BEGAIN: variants seen among roughly 807,000 people sequenced by gnomAD.
BEGAIN encodes brain enriched guanylate kinase associated.
BEGAIN carries 19 observed loss-of-function variants against 35.8 expected under a neutral mutation model. The observed-to-expected ratio is 0.53, with a 90% CI of 0.37 to 0.78. The LOEUF (loss-of-function observed/expected upper bound fraction) is 0.78, where lower values mean the gene tolerates loss of function less well. BEGAIN is among the 30% of genes least tolerant of loss of function. BEGAIN has a pLI of 0.00. For missense variants in BEGAIN, 795 were observed against 853.6 expected, an observed-to-expected ratio of 0.93 and a Z score of 0.85; for synonymous variants, 462 against 388.6, an observed-to-expected ratio of 1.19 and a Z score of -2.22.
chr14:100,540,451 C>G, intron 6 of BEGAIN, 45 bp downstream of exon 6: 1 of 1,457,150 alleles, frequency 6.9e-7, no homozygotes, highest in Non-Finnish European at 9.4e-7. Context: ...AAAAGGAGCC[C>G]GGTGGTCCCG....
In BEGAIN at chr14:100,574,169, C is replaced by T. The variant is rs116940020; in HGVS notation, c.43-6230G>A. Among the ~76,000 whole-genome samples, 598 of 152,358 alleles carry T rather than the reference C, an allele frequency of 3.9e-3. 2 individuals are homozygous for T. The highest frequency in any genetic ancestry group is 0.017 in the Middle Eastern group (5 of 294). ...CTCCGCTGCAGTCCCAAATGAGCCG[C>T]GGGCTTTCCTGGCCTTATCTGATCA... On this transcript the variant is annotated intron_variant, in intron 1 of 6. Transcript: ENST00000554140.
In BEGAIN at chr14:100,537,818, G is replaced by A; in HGVS notation, c.*151C>T. 5 of 1,228,252 alleles carry A rather than the reference G, an allele frequency of 4.1e-6. No individual in the cohort carries two copies. The highest frequency in any genetic ancestry group is 2.2e-6 in the Non-Finnish European group (2 of 919,860). 76.1% of individuals were successfully genotyped at this position (1,228,252 alleles called of 1,614,324 possible). On this transcript the variant is annotated 3_prime_UTR_variant, in exon 7 of 7. Coordinates refer to ENST00000554140, the MANE Select transcript of BEGAIN (RefSeq NM_001385089.1). Reference sequence around the variant, plus strand: ...GGGACCCTCCCCTCAGGCCTACAGGGCTGGGGAGGAGAGGAGGTGCGGGGA... The same window carrying A: ...GGGACCCTCCCCTCAGGCCTACAGGACTGGGGAGGAGAGGAGGTGCGGGGA...
In BEGAIN at chr14:100,550,902, T is replaced by C. The variant is rs922042379; in HGVS notation, c.72-4240A>G. Among the ~76,000 whole-genome samples, 7 of 152,330 alleles carry C rather than the reference T, an allele frequency of 4.6e-5. No individual in the cohort carries two copies. In the East Asian group the frequency reaches 1.4e-3, roughly 29 times the overall value. Reference sequence around the variant, plus strand: ...GTTGTTCCCTGCAGAGCGGCAGGTCTACCCTCAGCCCTGCCTCACAGGACA... The same window carrying C: ...GTTGTTCCCTGCAGAGCGGCAGGTCCACCCTCAGCCCTGCCTCACAGGACA... On this transcript the variant is annotated intron_variant, in intron 2 of 6. Transcript: ENST00000554140.
chr14:100,554,205 G>A (rs2033482030), intron 2 of BEGAIN, among the ~76,000 whole-genome samples: 1 of 152,222 alleles, frequency 6.6e-6, no homozygotes, highest in Non-Finnish European at 1.5e-5. Context: ...CGCTGAGCAG[G>A]TTCCTGGAGG....
intron 6 of BEGAIN, chr14:100,540,282 G>A: frequency 1.7e-6 from 1 of 573,218 alleles, no homozygotes. Flanking sequence ...AAGGGACTCT[G>A]GTGAGGGCCA....
At position 100,587,041 on chromosome 14, in the gene BEGAIN, C is replaced by G. The variant is rs1443665291; in HGVS notation, c.42+208G>C. ...GCGCGGAGGCTGGGCATCCCCGCCC[C>G]ACCCGAGAGTGCCCAGTTCCCAGGA... is the stretch of plus-strand genomic sequence containing the variant. On this transcript the variant is annotated intron_variant, in intron 1 of 6. Coordinates refer to ENST00000554140, the MANE Select transcript of BEGAIN (RefSeq NM_001385089.1). 2.0e-5 allele frequency among the ~76,000 whole-genome samples: 3 copies of G among 151,780 alleles called. 1 individual carries two copies. The highest frequency in any genetic ancestry group is 2.0e-4 in the Admixed American group (3 of 15,266).
intron 2 of BEGAIN, among the ~76,000 whole-genome samples, chr14:100,560,919 G>A (rs2034187838): frequency 6.6e-6 from 1 of 152,192 alleles, no homozygotes; most frequent in South Asian, 2.1e-4. Context: ...TGGAGCATGA[G>A]GCCTCTCTCA....
intron 2 of BEGAIN, among the ~76,000 whole-genome samples, chr14:100,561,717 A>G (rs1017297706): frequency 1.3e-4 from 11 of 84,920 alleles, no homozygotes; most frequent in Admixed American, 1.5e-4. Flanking sequence ...AAGACTGTCG[A>G]AAAAAAAAAA....
Position 100,538,448 on chromosome 14 carries a change from C to T in BEGAIN, c.1360G>A (p.Ala454Thr), listed in dbSNP as rs367701102. The change falls in exon 7 of 7, where the codon GCT becomes ACT. Residue 454 changes from alanine to threonine, a missense_variant. Ala to Thr is a moderately conservative substitution (Grantham distance 58). Transcript: ENST00000554140. ...DIGAYSYPVS[A>T]AGRASPCSFS... The stretch of plus-strand genomic sequence containing the variant: ...CTGCAGGGTGAGGCGCGGCCGGCAG[C>T]GCTCACGGGGTAGGAGTAGGCGCCG... 1 of 1,588,826 alleles carries T rather than the reference C, an allele frequency of 6.3e-7. No homozygotes were observed. Among genetic ancestry groups the T allele is most frequent in the Non-Finnish European group, 8.6e-7 (1 of 1,169,526 alleles).
At chr14:100,545,225 G>A (rs1442696295) in intron 3 of BEGAIN, 159 bp from the exon 4 acceptor site, 11 of 1,465,408 alleles carry the variant, frequency 7.5e-6, no homozygotes, top group Middle Eastern at 3.6e-4. Flanking sequence ...TCTGCACACA[G>A]CAGAGAACAT....
Position 100,563,680 on chromosome 14 carries a change from C to T in BEGAIN, c.71+4231G>A, listed in dbSNP as rs1388265823. Among the ~76,000 whole-genome samples the T allele has an allele frequency of 6.6e-6, 1 of 152,226 alleles. No homozygotes were observed. Among genetic ancestry groups the T allele is most frequent in the East Asian group, 1.9e-4 (1 of 5,184 alleles). On this transcript the variant is annotated intron_variant, in intron 2 of 6. Transcript: ENST00000554140. This position sits in a 1 kb window ranked among gnomAD's most constrained non-coding sequence, Gnocchi z 4.2. ...CCGATCTTCCAGAGCTGACCCTATG[C>T]GCACCCTGTGCCCCGGAGGTTCCAC...
intron 1 of BEGAIN, chr14:100,577,389 G>A (rs1054964282): frequency 2.0e-5 from 8 of 399,060 alleles, no homozygotes; most frequent in African/African-American, 4.1e-5. Context: ...TAGTTCCCAC[G>A]GCCTGGCCTG....
At chr14:100,582,718 G>A (rs1354187640) in intron 1 of BEGAIN, among the ~76,000 whole-genome samples, 1 of 152,100 alleles carries the variant, frequency 6.6e-6, no homozygotes, top group Non-Finnish European at 1.5e-5. Context: ...CCGGCTGGCC[G>A]CTGACCTTTC....
rs10135964 is a variant in BEGAIN at position 100,563,522 on chromosome 14, G to A, written c.71+4389C>T. ...GTGTGAAGAGCTCCCACAAATCAATGGGAAAAACACCTTGGTAGAAAATGC... is the reference window on the plus strand; with the variant it reads ...GTGTGAAGAGCTCCCACAAATCAATAGGAAAAACACCTTGGTAGAAAATGC... On this transcript the variant is annotated intron_variant, in intron 2 of 6. Transcript: ENST00000554140. This position sits in a 1 kb window ranked among gnomAD's most constrained non-coding sequence, Gnocchi z 4.2. 0.018 allele frequency among the ~76,000 whole-genome samples: 2,797 copies of A among 152,340 alleles called. 89 individuals are homozygous for A. The highest frequency in any genetic ancestry group is 0.064 in the African/African-American group (2,651 of 41,578).
intron 2 of BEGAIN, among the ~76,000 whole-genome samples, chr14:100,552,244 G>T (rs1462121784): frequency 6.6e-6 from 1 of 152,142 alleles, no homozygotes; most frequent in Non-Finnish European, 1.5e-5. Context: ...TGGCCTGCAG[G>T]TGCAGTGAGT....
At chr14:100,541,368 C>A (rs1417753082) in intron 5 of BEGAIN, among the ~76,000 whole-genome samples, 1 of 152,246 alleles carries the variant, frequency 6.6e-6, no homozygotes, top group Non-Finnish European at 1.5e-5. Context: ...CAAGGGCTGG[C>A]CACAGTCCCA....
chr14:100,540,219 C>G (rs1159147744), intron 6 of BEGAIN: 2 of 502,096 alleles, frequency 4.0e-6, no homozygotes, highest in African/African-American at 3.8e-5. Context: ...AAGCAAGGAC[C>G]TGGAGCAGCC....
Position 100,540,583 on chromosome 14 carries a change from A to G in BEGAIN, c.409-4T>C. 6.3e-7 allele frequency: 1 copy of G among 1,598,536 alleles called. No homozygotes were observed. Among genetic ancestry groups the G allele is most frequent in the East Asian group, 2.3e-5 (1 of 44,364 alleles). On this transcript the variant is annotated splice_polypyrimidine_tract_variant and splice_region_variant and intron_variant, in intron 5 of 6. Coordinates refer to ENST00000554140, the MANE Select transcript of BEGAIN (RefSeq NM_001385089.1). Reference sequence around the variant, plus strand: ...TGCAGTCCTTCCTATAGAGCTCCTAAAAGACAAGAGAAGGCGTTTGGCGCC... The same window carrying G: ...TGCAGTCCTTCCTATAGAGCTCCTAGAAGACAAGAGAAGGCGTTTGGCGCC...
intron 5 of BEGAIN, among the ~76,000 whole-genome samples, chr14:100,541,815 G>C (rs981795663): frequency 3.9e-5 from 6 of 152,334 alleles, no homozygotes; most frequent in Admixed American, 3.9e-4. Flanking sequence ...GGGACAGCTG[G>C]GAGCCTTTCC....
Sources: allele counts gnomAD v4.1 joint callset (sites outside exome capture counted in the v4.1 genomes callset), GRCh38; gene constraint gnomAD v4.1.1; non-coding constraint Gnocchi (gnomAD v3.1); transcripts MANE v1.5; gene names NCBI Gene and HGNC (gene_info 2026-07-23, HGNC 2026-07-21).